The following EFCAB13 variants were observed in gnomAD, a reference collection of about 807,000 sequenced individuals.
EFCAB13 encodes EF-hand calcium-binding domain-containing protein 13.
EFCAB13 carries 91 observed loss-of-function variants against 110.2 expected under a neutral mutation model. The ratio of observed to expected loss-of-function variants is 0.83; its 90% CI spans 0.70 to 0.98. The LOEUF is 0.98. Ranked by LOEUF, EFCAB13 falls within the 50% of genes least tolerant of loss-of-function variation. EFCAB13 has a pLI of 0.00. For synonymous variants in EFCAB13, 323 were observed against 369.9 expected, an observed-to-expected ratio of 0.87 and a Z score of 1.45; for missense variants, 968 against 1,119.4, an observed-to-expected ratio of 0.86 and a Z score of 1.93.
intron 20 of EFCAB13, chr17:47,409,277 A>G (rs766027193): frequency 8.3e-5 from 15 of 179,956 alleles, no homozygotes; most frequent in Non-Finnish European, 1.3e-4. Context: ...TTCTGGGACT[A>G]GATAGTATAT....
intron 20 of EFCAB13, among the ~76,000 whole-genome samples, chr17:47,408,581 G>C (rs1247445638): frequency 1.3e-5 from 2 of 152,174 alleles, no homozygotes; most frequent in Non-Finnish European, 2.9e-5. Context: ...GAACCCAGGG[G>C]GCAGAGGTTA....
chr17:47,359,325 C>T (rs1598732129), intron 9 of EFCAB13, among the ~76,000 whole-genome samples: 1 of 151,852 alleles, frequency 6.6e-6, no homozygotes, highest in Non-Finnish European at 1.5e-5. Flanking sequence ...CAGAGAGATA[C>T]CCTGTCTTTA....
At chr17:47,398,850 AAAAT>A (rs201525435) in intron 17 of EFCAB13, among the ~76,000 whole-genome samples, 8,951 of 152,042 alleles carry the variant, frequency 0.059, 298 homozygotes, top group East Asian at 0.1. Flanking sequence ...ATAATCAATA[AAAAT>A]AAATAAATAA....
intron 4 of EFCAB13, among the ~76,000 whole-genome samples, chr17:47,332,732 G>A (rs1189607228): frequency 1.3e-5 from 2 of 152,012 alleles, no homozygotes; most frequent in Admixed American, 6.6e-5. Flanking sequence ...CCATGTTATC[G>A]TGAATGACAG....
intron 17 of EFCAB13, among the ~76,000 whole-genome samples, chr17:47,397,013 TCTCCCTCTCCCC>T (rs1316432306): frequency 6.6e-5 from 9 of 135,386 alleles, no homozygotes; most frequent in African/African-American, 2.3e-4. Flanking sequence ...ATAACGTCCC[TCTCCCTCTCCCC>T]CTCCCCCTCC....
intron 10 of EFCAB13, among the ~76,000 whole-genome samples, chr17:47,361,775 T>C (rs1463816269): frequency 6.6e-6 from 1 of 152,220 alleles, no homozygotes; most frequent in Non-Finnish European, 1.5e-5. Flanking sequence ...AAATTCAGCC[T>C]TACATCTCTT....
chr17:47,398,337 G>A (rs1321187113), intron 17 of EFCAB13, among the ~76,000 whole-genome samples: 1 of 143,440 alleles, frequency 7.0e-6, no homozygotes, highest in South Asian at 2.4e-4. Flanking sequence ...CCCTCTGCCC[G>A]GCCACCACCC....
chr17:47,395,110 A>T (rs2065729915), intron 16 of EFCAB13, among the ~76,000 whole-genome samples: 1 of 152,014 alleles, frequency 6.6e-6, no homozygotes, highest in Non-Finnish European at 1.5e-5. Flanking sequence ...TCTTATCTAT[A>T]TATACCTAAT....
In EFCAB13 at chr17:47,344,235, A is replaced by G; in HGVS notation, c.377A>G (p.Asn126Ser). Residue 126 changes from asparagine (N) to serine (S), a missense_variant, in exon 7 of 25, where the codon AAT becomes AGT. Transcript: ENST00000331493. ...GAAAACTCTTTATGCAAGTTGCCGA[A>G]TCAGTACAGCGTTCACAAGACTTCA... Reference protein sequence around the residue: ...RKENSLCKLPNQYSVHKTSSP... With the variant: ...RKENSLCKLPSQYSVHKTSSP... 6.2e-7 allele frequency: 1 copy of G among 1,613,356 alleles called. No individual in the cohort carries two copies. Among genetic ancestry groups the G allele is most frequent in the Non-Finnish European group, 8.5e-7 (1 of 1,179,418 alleles).
In EFCAB13 at chr17:47,395,869, A is replaced by C. The variant is rs1450606490; in HGVS notation, c.1837A>C (p.Arg613=). The stretch of plus-strand genomic sequence containing the variant: ...TGCTATTGAAACCCTCGACGATCTC[A>C]GAAAGGAGACGATGAGTGTTTCTGA... ...PDAIETLDDL[R]KETMSVSDLW... The change falls in exon 17 of 25, where the codon AGA becomes CGA. Residue 613 remains arginine (R), a synonymous_variant. Coordinates refer to ENST00000331493, the MANE Select transcript of EFCAB13 (RefSeq NM_152347.5). The C allele has an allele frequency of 4.3e-6, 7 of 1,609,888 alleles. No individual in the cohort carries two copies. The highest frequency in any genetic ancestry group is 1.7e-5 in the Admixed American group (1 of 59,910).
intron 15 of EFCAB13, among the ~76,000 whole-genome samples, 162 bp from the exon 16 acceptor site, chr17:47,393,862 AT>A (rs1485402400): frequency 7.3e-5 from 11 of 151,562 alleles, no homozygotes; most frequent in Admixed American, 7.2e-4. Context: ...TCTACTGTAA[AT>A]TGATTTGCTT....
At chr17:47,435,369 T>C (rs1478463999) in intron 24 of EFCAB13, among the ~76,000 whole-genome samples, 2 of 151,878 alleles carry the variant, frequency 1.3e-5, no homozygotes, top group Non-Finnish European at 1.5e-5. Flanking sequence ...CATAATTAAA[T>C]TGATGTCGGC....
intron 8 of EFCAB13, among the ~76,000 whole-genome samples, chr17:47,345,978 T>C (rs924910101): frequency 1.3e-5 from 2 of 152,178 alleles, no homozygotes; most frequent in African/African-American, 4.8e-5. Flanking sequence ...TAAAATAAAA[T>C]TAAAACTTGC....
intron 18 of EFCAB13, among the ~76,000 whole-genome samples, chr17:47,403,036 A>G (rs2065786851): frequency 6.6e-6 from 1 of 152,206 alleles, no homozygotes; most frequent in African/African-American, 2.4e-5. Flanking sequence ...AAGAAAGCAG[A>G]GCTGATACAG....
chr17:47,338,933 T>C (rs2065367758), intron 5 of EFCAB13, among the ~76,000 whole-genome samples: 1 of 152,108 alleles, frequency 6.6e-6, no homozygotes, highest in African/African-American at 2.4e-5. Flanking sequence ...CATACAATTT[T>C]ATTTGTCAAT....
At chr17:47,343,928 G>A (rs2065400118) in intron 6 of EFCAB13, among the ~76,000 whole-genome samples, 1 of 152,026 alleles carries the variant, frequency 6.6e-6, no homozygotes, top group Admixed American at 6.6e-5. Flanking sequence ...TTAATGACAT[G>A]ATTAACTGCA....
At chr17:47,394,153 T>C (rs2065724966) in intron 16 of EFCAB13, 54 bp downstream of exon 16, 7 of 1,208,996 alleles carry the variant, frequency 5.8e-6, no homozygotes, top group East Asian at 5.2e-5. Context: ...GTTTGACAGA[T>C]TTTAGAAGAG....
chr17:47,354,436 C>T (rs931272214), intron 9 of EFCAB13, among the ~76,000 whole-genome samples: 22 of 152,148 alleles, frequency 1.4e-4, no homozygotes, highest in Admixed American at 3.9e-4. Flanking sequence ...TGTTGACTTT[C>T]TGTCTTGATG....
chr17:47,351,837 C>G (rs2065455022), intron 9 of EFCAB13, among the ~76,000 whole-genome samples: 2 of 146,326 alleles, frequency 1.4e-5, no homozygotes, highest in Non-Finnish European at 3.0e-5. Context: ...CTTTCGAGTT[C>G]TTAGTCATGA....
Sources: gnomAD v4.1 joint callset for allele counts (sites outside exome capture counted in the v4.1 genomes callset) on GRCh38, gnomAD v4.1.1 for gene constraint, MANE v1.5 for transcripts, NCBI Gene and HGNC (gene_info 2026-07-23, HGNC 2026-07-21) for gene names.